The following CAMTA1 variants were observed in gnomAD, a reference collection of about 807,000 sequenced individuals.
The protein encoded by CAMTA1 is calmodulin binding transcription activator 1, also known as calmodulin-binding transcription activator 1.
CAMTA1 carries 27 observed loss-of-function variants against 170.9 expected under a neutral mutation model. That is an observed-to-expected ratio of 0.16 (90% CI 0.12 to 0.22). CAMTA1 has a LOEUF of 0.22. CAMTA1 is among the 10% of genes least tolerant of loss of function. The pLI, the probability that CAMTA1 is intolerant of heterozygous loss-of-function variation, is 1.00. For missense variants in CAMTA1, 1,619 were observed against 2,217.2 expected (o/e 0.73, Z 5.42); for synonymous variants, 833 against 891.5 (o/e 0.93, Z 1.17).
intron 3 of CAMTA1, among the ~76,000 whole-genome samples, chr1:6,987,818 C>T (rs1695609782): frequency 6.6e-6 from 1 of 152,110 alleles, no homozygotes; most frequent in Non-Finnish European, 1.5e-5. Context: ...CCTTCTTCCC[C>T]ATCACTCCTT....
At chr1:7,478,644 GTCAGCT>G (rs1208168348) in intron 6 of CAMTA1, among the ~76,000 whole-genome samples, 1 of 152,220 alleles carries the variant, frequency 6.6e-6, no homozygotes, top group Non-Finnish European at 1.5e-5. Context: ...AGCGTGTGCT[GTCAGCT>G]TGGCTAAACA....
chr1:7,267,129 G>A (rs1050310461), intron 5 of CAMTA1, among the ~76,000 whole-genome samples: 6 of 152,156 alleles, frequency 3.9e-5, no homozygotes, highest in Non-Finnish European at 8.8e-5. Flanking sequence ...GTGGAAGAGA[G>A]GTGGGCCAGA....
At chr1:7,655,365 C>T (rs1012129556) in intron 7 of CAMTA1, among the ~76,000 whole-genome samples, 15 of 150,140 alleles carry the variant, frequency 1.0e-4, no homozygotes, top group African/African-American at 3.2e-4. Context: ...TAAACAAACA[C>T]ACCCACCTAT....
At chr1:7,523,876 C>T (rs1380915924) in intron 6 of CAMTA1, among the ~76,000 whole-genome samples, 1 of 136,898 alleles carries the variant, frequency 7.3e-6, no homozygotes, top group African/African-American at 2.8e-5. Context: ...GAGTGAGACT[C>T]TATCTCGAAA....
rs1031588102 is a variant in CAMTA1 at position 7,536,038 on chromosome 1, G to A, written c.510+68137G>A. Among the ~76,000 whole-genome samples, 31 of 152,200 alleles carry A rather than the reference G, an allele frequency of 2.0e-4. 2 individuals are homozygous for A. Among genetic ancestry groups the A allele is most frequent in the African/African-American group, 2.4e-5 (1 of 41,436 alleles). ...ATAACCTTAATTGTAAATCCTTTAT[G>A]TATAGACTTGGGCTATAACAACCTC... On this transcript the variant is annotated intron_variant, in intron 6 of 22. Coordinates refer to ENST00000303635, the MANE Select transcript of CAMTA1 (RefSeq NM_015215.4).
At chr1:7,416,323 G>A (rs1468614307) in intron 5 of CAMTA1, among the ~76,000 whole-genome samples, 2 of 152,200 alleles carry the variant, frequency 1.3e-5, no homozygotes, top group African/African-American at 4.8e-5. Flanking sequence ...CTAGTTTGGG[G>A]AAGTTCTCCT....
Position 7,224,260 on chromosome 1 carries a change from A to G in CAMTA1, c.303-25231A>G, listed in dbSNP as rs1185328434. 1.3e-5 allele frequency among the ~76,000 whole-genome samples: 2 copies of G among 152,180 alleles called. No homozygotes were observed. The highest frequency in any genetic ancestry group is 2.9e-5 in the Non-Finnish European group (2 of 68,046). On this transcript the variant is annotated intron_variant, in intron 4 of 22. Coordinates refer to ENST00000303635, the MANE Select transcript of CAMTA1 (RefSeq NM_015215.4). This position sits in a 1 kb window ranked among gnomAD's most constrained non-coding sequence, Gnocchi z 5.2. ...AGAGGCTGCAGGCTTAGCTGGAAACATAATCGCTGCTCAAGGTCAGGCTGT... is the reference window on the plus strand; with the variant it reads ...AGAGGCTGCAGGCTTAGCTGGAAACGTAATCGCTGCTCAAGGTCAGGCTGT...
intron 5 of CAMTA1, among the ~76,000 whole-genome samples, chr1:7,385,590 C>A (rs978675980): frequency 6.6e-6 from 1 of 152,150 alleles, no homozygotes; most frequent in African/African-American, 2.4e-5. Context: ...CAGGGAGAGC[C>A]CCGGGGGGAA....
At chr1:7,073,494 G>T (rs957119958) in intron 3 of CAMTA1, among the ~76,000 whole-genome samples, 3 of 152,082 alleles carry the variant, frequency 2.0e-5, no homozygotes, top group African/African-American at 7.2e-5. Context: ...GCCCAGGGGA[G>T]ATTTGGGGCA....
intron 4 of CAMTA1, among the ~76,000 whole-genome samples, chr1:7,103,760 A>G (rs570931268): frequency 6.6e-6 from 1 of 151,676 alleles, no homozygotes; most frequent in African/African-American, 2.4e-5. Flanking sequence ...CATTACACAC[A>G]TGCACACACA....
chr1:7,474,121 C>T (rs1047648770), intron 6 of CAMTA1, among the ~76,000 whole-genome samples: 7 of 152,246 alleles, frequency 4.6e-5, no homozygotes, highest in African/African-American at 1.7e-4. Flanking sequence ...GGGTTAGGAT[C>T]ACCCAAAGAA....
intron 3 of CAMTA1, among the ~76,000 whole-genome samples, chr1:6,843,777 G>A (rs1034654815): frequency 2.6e-5 from 4 of 152,154 alleles, no homozygotes; most frequent in Non-Finnish European, 5.9e-5. Flanking sequence ...ACTGCGCCCG[G>A]CCCCAAACTT....
At position 7,736,432 on chromosome 1, in the gene CAMTA1, C is replaced by T. The variant is rs772063088; in HGVS notation, c.3155C>T (p.Ala1052Val). 2.7e-5 allele frequency: 43 copies of T among 1,613,900 alleles called. No individual in the cohort carries two copies. The highest frequency in any genetic ancestry group is 3.2e-5 in the Non-Finnish European group (38 of 1,179,984). ...CEKMMSRACW[A>V]KSKHLIHSKT... Reference sequence around the variant, plus strand: ...AAGATGATGAGCCGAGCCTGCTGGGCGAAGTCCAAGCACTTGATCCACTCA... The same window carrying T: ...AAGATGATGAGCCGAGCCTGCTGGGTGAAGTCCAAGCACTTGATCCACTCA... Residue 1052 changes from alanine (A) to valine (V), a missense_variant, in exon 13 of 23, where the codon GCG becomes GTG. By Grantham distance (64) the Ala-to-Val change is moderately conservative (BLOSUM62 0). This residue lies in a region of CAMTA1 where 143 missense variants were observed against 184.2 expected (regional missense o/e 0.78). Coordinates refer to ENST00000303635, the MANE Select transcript of CAMTA1 (RefSeq NM_015215.4). The surrounding 1 kb of genome is among the most constrained non-coding windows in gnomAD (Gnocchi z 4.5).
At chr1:7,720,136 AGG>A (rs2096639766) in intron 11 of CAMTA1, among the ~76,000 whole-genome samples, 1 of 152,238 alleles carries the variant, frequency 6.6e-6, no homozygotes, top group Non-Finnish European at 1.5e-5. Flanking sequence ...GCTGATGTGC[AGG>A]CATTCATATT....
chr1:7,492,892 C>G (rs1446815664), intron 6 of CAMTA1, among the ~76,000 whole-genome samples: 1 of 151,192 alleles, frequency 6.6e-6, no homozygotes, highest in East Asian at 2.0e-4. Flanking sequence ...CAAACACAAA[C>G]CTACATACAC....
chr1:7,401,791 A>T (rs1168817116), intron 5 of CAMTA1, among the ~76,000 whole-genome samples: 1 of 152,210 alleles, frequency 6.6e-6, no homozygotes, highest in African/African-American at 2.4e-5. Context: ...GCTGTTATAT[A>T]AAAATGCAGT....
intron 6 of CAMTA1, among the ~76,000 whole-genome samples, chr1:7,497,220 A>G (rs985817743): frequency 2.0e-5 from 3 of 152,142 alleles, no homozygotes; most frequent in Non-Finnish European, 4.4e-5. Context: ...TGAGGCCCCA[A>G]TCCCCACCCA....
chr1:6,927,203 TCA>T (rs1683463929), intron 3 of CAMTA1, among the ~76,000 whole-genome samples: 1 of 151,932 alleles, frequency 6.6e-6, no homozygotes, highest in Admixed American at 6.6e-5. Flanking sequence ...ATTCATTCAT[TCA>T]TTCATTTATT....
intron 1 of CAMTA1, among the ~76,000 whole-genome samples, chr1:6,816,865 A>C (rs1645887177): frequency 6.6e-6 from 1 of 152,220 alleles, no homozygotes; most frequent in Non-Finnish European, 1.5e-5. Flanking sequence ...TGTTTGGCAC[A>C]GGGGTATCTA....
Sources: allele counts gnomAD v4.1 joint callset (sites outside exome capture counted in the v4.1 genomes callset), GRCh38; gene constraint gnomAD v4.1.1; regional missense constraint gnomAD v4.1.1; non-coding constraint Gnocchi (gnomAD v3.1); transcripts MANE v1.5; gene names NCBI Gene and HGNC (gene_info 2026-07-23, HGNC 2026-07-21).